IQGAP3: variants seen among roughly 807,000 people sequenced by gnomAD.
IQGAP3 encodes ras GTPase-activating-like protein IQGAP3.
In IQGAP3, 165 loss-of-function variants were observed where a neutral mutation model predicts 208.2. The observed-to-expected ratio is 0.79, with a 90% CI of 0.70 to 0.90. The LOEUF is 0.90. IQGAP3 is among the 40% of genes least tolerant of loss of function. IQGAP3 has a pLI of 0.00. For synonymous variants in IQGAP3, 703 were observed against 803.6 expected, an observed-to-expected ratio of 0.87 and a Z score of 2.12; for missense variants, 1,811 against 2,043.1, an observed-to-expected ratio of 0.89 and a Z score of 2.19.
At chr1:156,543,294 C>T (rs951133547) in intron 22 of IQGAP3, among the ~76,000 whole-genome samples, 5 of 152,040 alleles carry the variant, frequency 3.3e-5, no homozygotes, top group South Asian at 4.2e-4. Flanking sequence ...AGGACAGGGG[C>T]GAAGAAGGAC....
In IQGAP3 at chr1:156,528,952, A is replaced by G. The variant is rs762945955; in HGVS notation, c.4535T>C (p.Ile1512Thr). ...EEQGDYYSQY[I>T]RACLDHLAPD... is the part of the protein sequence containing the mutation. ...GGCCAGGTGGTCCAGGCAGGCCCGGATGTACTGGCTGTAGTAGTCACCCTG... is the reference window on the plus strand; with the variant it reads ...GGCCAGGTGGTCCAGGCAGGCCCGGGTGTACTGGCTGTAGTAGTCACCCTG... The change falls in exon 35 of 38, where the codon ATC becomes ACC. Residue 1512 changes from isoleucine (I) to threonine (T), a missense_variant. Ile to Thr is a moderately conservative substitution (Grantham distance 89). Coordinates refer to ENST00000361170, the MANE Select transcript of IQGAP3 (RefSeq NM_178229.5). The G allele has an allele frequency of 5.5e-5, 89 of 1,614,094 alleles. No individual in the cohort carries two copies. Among genetic ancestry groups the G allele is most frequent in the Non-Finnish European group, 1.4e-5 (16 of 1,180,042 alleles).
intron 2 of IQGAP3, among the ~76,000 whole-genome samples, chr1:156,568,642 C>A (rs1004380507): frequency 3.9e-5 from 6 of 152,192 alleles, no homozygotes; most frequent in African/African-American, 1.4e-4. Flanking sequence ...CCTTCCTCAG[C>A]CCCCCAAGTA....
At chr1:156,571,860 C>T (rs1430866904) in intron 1 of IQGAP3, among the ~76,000 whole-genome samples, 1 of 152,170 alleles carries the variant, frequency 6.6e-6, no homozygotes, top group Non-Finnish European at 1.5e-5. Context: ...ACCCATCCTT[C>T]CAGCTCCAGT....
chr1:156,551,132 C>A (rs59391536), intron 15 of IQGAP3, among the ~76,000 whole-genome samples: 2,534 of 152,296 alleles, frequency 0.017, 31 homozygotes, highest in African/African-American at 0.039. Flanking sequence ...GTCATATTAT[C>A]TCACTTACAC....
chr1:156,539,189 C>T (rs564440465), intron 25 of IQGAP3, 156 bp from the exon 26 acceptor site: 18 of 820,084 alleles, frequency 2.2e-5, no homozygotes, highest in Non-Finnish European at 3.6e-5. Context: ...GTTAGCATGT[C>T]AGCCCATATC....
chr1:156,543,172 A>G (rs1279154662), intron 22 of IQGAP3, among the ~76,000 whole-genome samples: 1 of 152,154 alleles, frequency 6.6e-6, no homozygotes, highest in Non-Finnish European at 1.5e-5. Flanking sequence ...ACAGAGACAA[A>G]ATAGAATGGG....
chr1:156,544,262 G>T, intron 20 of IQGAP3, 39 bp from the exon 21 acceptor site: 1 of 1,607,608 alleles, frequency 6.2e-7, no homozygotes, highest in Non-Finnish European at 8.5e-7. Context: ...CCAGCTTGGG[G>T]CCCACCCTCA....
chr1:156,529,150 A>G, intron 34 of IQGAP3, 68 bp from the exon 35 acceptor site: 1 of 1,524,922 alleles, frequency 6.6e-7, no homozygotes, highest in Non-Finnish European at 9.0e-7. Flanking sequence ...GGCCTGACAC[A>G]GGCCCAAGAG....
At chr1:156,548,284 TG>T (rs762894635) in intron 18 of IQGAP3, 41 bp from the exon 19 acceptor site, 10 of 1,607,282 alleles carry the variant, frequency 6.2e-6, no homozygotes, top group Non-Finnish European at 8.5e-6. Context: ...TTTTGGGGAG[TG>T]GGAGCCTCTT....
At chr1:156,564,797 T>A in intron 4 of IQGAP3, 106 bp from the exon 5 acceptor site, 1 of 781,026 alleles carries the variant, frequency 1.3e-6, no homozygotes, top group Non-Finnish European at 2.3e-6. Context: ...CTGAGGTGTG[T>A]GTTCCCTTGT....
intron 37 of IQGAP3, 82 bp downstream of exon 37, chr1:156,527,870 G>A: frequency 3.3e-6 from 3 of 907,782 alleles, no homozygotes; most frequent in Non-Finnish European, 5.4e-6. Context: ...TGAGGACTAG[G>A]AAAGTGAGGC....
chr1:156,563,585 A>G lies in IQGAP3; in HGVS notation c.587T>C (p.Leu196Ser). Residue 196 changes from leucine (L) to serine (S), a missense_variant, in exon 7 of 38, where the codon TTG becomes TCG. Physicochemically the swap from Leu to Ser is moderately radical, Grantham distance 145. Coordinates refer to ENST00000361170, the MANE Select transcript of IQGAP3 (RefSeq NM_178229.5). ...CTCATCCACCGAGAGCTCATTGGCCAAGATGCCCCCGATCTTGCTGAAGGC... is the reference window on the plus strand; with the variant it reads ...CTCATCCACCGAGAGCTCATTGGCCGAGATGCCCCCGATCTTGCTGAAGGC... ...LPAFSKIGGI[L>S]ANELSVDEAA... 6.2e-7 allele frequency: 1 copy of G among 1,613,304 alleles called. No homozygotes were observed. The highest frequency in any genetic ancestry group is 8.5e-7 in the Non-Finnish European group (1 of 1,179,732).
chr1:156,564,575 A>C, intron 5 of IQGAP3, 40 bp downstream of exon 5: 1 of 1,350,752 alleles, frequency 7.4e-7, no homozygotes, highest in South Asian at 1.2e-5. Flanking sequence ...GGTCGCATCC[A>C]CCTAGAGGAA....
intron 13 of IQGAP3, 147 bp downstream of exon 13, chr1:156,554,088 G>T (rs1172039176): frequency 1.1e-5 from 10 of 895,664 alleles, no homozygotes; most frequent in Non-Finnish European, 1.4e-5. Context: ...AGAAACACAG[G>T]CCAAGGAACT....
At chr1:156,543,889 G>T in intron 22 of IQGAP3, 92 bp downstream of exon 22, 1 of 1,074,188 alleles carries the variant, frequency 9.3e-7, no homozygotes, top group Non-Finnish European at 1.4e-6. Flanking sequence ...CCCCTTACCT[G>T]CTGTGCAGTC....
chr1:156,563,277 C>G lies in IQGAP3; in HGVS notation c.655G>C (p.Glu219Gln), dbSNP rs1370862158. 6.2e-7 allele frequency: 1 copy of G among 1,607,980 alleles called. No homozygotes were observed. The highest frequency in any genetic ancestry group is 1.3e-5 in the African/African-American group (1 of 74,938). The change falls in exon 8 of 38, where the codon GAG (glutamate) becomes CAG (glutamine). Residue 219 changes from glutamate to glutamine, a missense_variant. Physicochemically the swap from Glu to Gln is conservative, Grantham distance 29 (BLOSUM62 2). Transcript: ENST00000361170. ...AAVLAINEAV[E>Q]RGVVEDTLAA... is the part of the protein sequence containing the mutation. ...AGGGTGTCCTCCACCACCCCTCGCT[C>G]CACTGCTTCATTGATGGCAAGAACA...
chr1:156,526,686 C>G, intron 37 of IQGAP3, 87 bp from the exon 38 acceptor site: 3 of 865,484 alleles, frequency 3.5e-6, no homozygotes, highest in Non-Finnish European at 5.8e-6. Context: ...CATCATGGGG[C>G]CTTCTGCAGT....
chr1:156,540,027 AG>A (rs753490437), intron 23 of IQGAP3, 37 bp from the exon 24 acceptor site: 1 of 1,612,554 alleles, frequency 6.2e-7, no homozygotes, highest in East Asian at 2.2e-5. Context: ...CAACTAGCCT[AG>A]GCCATCCCAG....
chr1:156,535,314 C>T, intron 27 of IQGAP3, 67 bp from the exon 28 acceptor site: 1 of 1,121,250 alleles, frequency 8.9e-7, no homozygotes. Context: ...GAGATAAGAG[C>T]TTGAGTGCCT....
Sources: gnomAD v4.1 joint callset for allele counts (sites outside exome capture counted in the v4.1 genomes callset) on GRCh38, gnomAD v4.1.1 for gene constraint, MANE v1.5 for transcripts, NCBI Gene and HGNC (gene_info 2026-07-23, HGNC 2026-07-21) for gene names.